RAB20: variants seen among roughly 807,000 people sequenced by gnomAD.
The protein encoded by RAB20 is ras-related protein Rab-20.
A neutral mutation model predicts 3.7 loss-of-function variants in RAB20; 2 were observed. That is an observed-to-expected ratio of 0.54 (90% CI 0.22 to 1.69). The LOEUF (loss-of-function observed/expected upper bound fraction) is 1.69. RAB20 is among the 40% of genes most tolerant of loss of function. The pLI is 0.19. For synonymous variants in RAB20, 126 were observed against 130.8 expected (o/e 0.96, Z 0.25); for missense variants, 276 against 311.9 (o/e 0.88, Z 0.87).
chr13:110,559,825 T>A (rs1376384824), intron 1 of RAB20, among the ~76,000 whole-genome samples: 1 of 152,144 alleles, frequency 6.6e-6, no homozygotes, highest in African/African-American at 2.4e-5. Flanking sequence ...CTTCATTCCC[T>A]CCGATGCAGG....
At chr13:110,536,356 G>T (rs1594131931) in intron 1 of RAB20, among the ~76,000 whole-genome samples, 1 of 152,334 alleles carries the variant, frequency 6.6e-6, no homozygotes, top group African/African-American at 2.4e-5. Flanking sequence ...CTAAAGCATG[G>T]ACTGGGCGGC....
chr13:110,542,791 T>A (rs1193393254), intron 1 of RAB20, among the ~76,000 whole-genome samples: 4 of 152,226 alleles, frequency 2.6e-5, no homozygotes, highest in Non-Finnish European at 5.9e-5. Context: ...TGAGAAATAC[T>A]GATTTCCTTT....
chr13:110,528,028 A>T (rs1884462845), intron 1 of RAB20, among the ~76,000 whole-genome samples: 1 of 151,186 alleles, frequency 6.6e-6, no homozygotes, highest in African/African-American at 2.4e-5. Flanking sequence ...GCTTGAGCCA[A>T]GGAGTTCGAG....
intron 1 of RAB20, among the ~76,000 whole-genome samples, chr13:110,526,939 C>T (rs1884440253): frequency 6.6e-6 from 1 of 152,158 alleles, no homozygotes; most frequent in South Asian, 2.1e-4. Context: ...GCATAGTGTT[C>T]TGAGAAGGGG....
At chr13:110,557,323 T>C (rs905952410) in intron 1 of RAB20, among the ~76,000 whole-genome samples, 3 of 152,166 alleles carry the variant, frequency 2.0e-5, no homozygotes, top group East Asian at 1.9e-4. Flanking sequence ...TTGCTGTTTA[T>C]ATTAAGATGA....
intron 1 of RAB20, among the ~76,000 whole-genome samples, chr13:110,546,395 T>G (rs1443308856): frequency 6.6e-6 from 1 of 152,206 alleles, no homozygotes; most frequent in Non-Finnish European, 1.5e-5. Context: ...AATACAGCTG[T>G]GAGGGAAAGG....
rs746635957 is a variant in RAB20, at chr13:110,523,851, C to A, written c.519G>T (p.Pro173=). Residue 173 remains proline, a synonymous_variant, in exon 2 of 2, where the codon CCG becomes CCT. Transcript: ENST00000267328. ...KYKMLDEQDV[P]AAEQMCFETS... ...TCTCAAAGCACATTTGCTCAGCGGC[C>A]GGCACATCCTGCTCATCCAGCATCT... 1 of 1,614,158 alleles carries A rather than the reference C, an allele frequency of 6.2e-7. No individual in the cohort carries two copies. The highest frequency in any genetic ancestry group is 1.7e-5 in the Admixed American group (1 of 60,028).
rs77119734 is a variant in RAB20 at position 110,555,060 on chromosome 13, C to T, written c.172+6288G>A. 2.0e-4 allele frequency among the ~76,000 whole-genome samples: 31 copies of T among 152,240 alleles called. No homozygotes were observed. Among genetic ancestry groups the T allele is most frequent in the East Asian group, 1.9e-3 (10 of 5,162 alleles). On this transcript the variant is annotated intron_variant, in intron 1 of 1. Coordinates refer to ENST00000267328, the MANE Select transcript of RAB20 (RefSeq NM_017817.3). This position sits in a 1 kb window ranked among gnomAD's most constrained non-coding sequence, Gnocchi z 4.0. Reference sequence around the variant, plus strand: ...AGATGCTGCTTCCCAGTCTGTAGGACGGCAACGTTGACGCCTCCCAGGAGG... The same window carrying T: ...AGATGCTGCTTCCCAGTCTGTAGGATGGCAACGTTGACGCCTCCCAGGAGG...
At chr13:110,531,433 G>C (rs548167152) in intron 1 of RAB20, among the ~76,000 whole-genome samples, 2 of 152,232 alleles carry the variant, frequency 1.3e-5, no homozygotes, top group Non-Finnish European at 1.5e-5. Flanking sequence ...ACTGCAGAGC[G>C]TTCTGGTAAA....
intron 1 of RAB20, among the ~76,000 whole-genome samples, chr13:110,534,476 T>C (rs1005678239): frequency 1.3e-5 from 2 of 152,062 alleles, no homozygotes; most frequent in African/African-American, 4.8e-5. Flanking sequence ...CGGTCAAGGG[T>C]GCCGACCACG....
intron 1 of RAB20, among the ~76,000 whole-genome samples, chr13:110,550,407 C>T (rs1390158208): frequency 1.3e-5 from 2 of 152,148 alleles, no homozygotes; most frequent in Admixed American, 1.3e-4. Context: ...CACCTGAAGC[C>T]GGTGGATCAG....
Position 110,547,046 on chromosome 13 carries a change from A to T in RAB20, c.172+14302T>A, listed in dbSNP as rs763013008. On this transcript the variant is annotated intron_variant, in intron 1 of 1. Coordinates refer to ENST00000267328, the MANE Select transcript of RAB20 (RefSeq NM_017817.3). ...TGAGTCACCACGCCTGGCCAAGCTG[A>T]ACTTCTGTACCACAAACAATAGAAA... is the stretch of plus-strand genomic sequence containing the variant. Among the ~76,000 whole-genome samples the T allele has an allele frequency of 3.9e-5, 6 of 152,246 alleles. No homozygotes were observed. In the Middle Eastern group the frequency reaches 0.017, roughly 432 times the overall value.
intron 1 of RAB20, among the ~76,000 whole-genome samples, chr13:110,535,322 C>T (rs1408189476): frequency 6.6e-6 from 1 of 151,828 alleles, no homozygotes; most frequent in Admixed American, 6.6e-5. Flanking sequence ...AGACCCCCAA[C>T]CCGAACCCAC....
At chr13:110,549,008 C>T (rs1156719441) in intron 1 of RAB20, among the ~76,000 whole-genome samples, 2 of 152,196 alleles carry the variant, frequency 1.3e-5, no homozygotes. Context: ...TGTGATGATT[C>T]CAAACTTCCC....
At position 110,561,586 on chromosome 13, in the gene RAB20, G is replaced by A; in HGVS notation, c.-67C>T. The A allele has an allele frequency of 2.7e-6, 4 of 1,497,294 alleles. No homozygotes were observed. Among genetic ancestry groups the A allele is most frequent in the Non-Finnish European group, 3.6e-6 (4 of 1,126,180 alleles). The allele number at this position is 1,497,294 out of a possible 1,614,324, so 92.8% of individuals were successfully genotyped here. A position where few individuals can be genotyped will look rare whatever the true frequency, so the allele number is the denominator to read the frequency against. Reference sequence around the variant, plus strand: ...AGGCTGGCCGGCTCGTGCGCCCTGGGCGCAGCTGGAGGAGCGGACCCCGGA... The same window carrying A: ...AGGCTGGCCGGCTCGTGCGCCCTGGACGCAGCTGGAGGAGCGGACCCCGGA... On this transcript the variant is annotated 5_prime_UTR_variant, in exon 1 of 2. Coordinates refer to ENST00000267328, the MANE Select transcript of RAB20 (RefSeq NM_017817.3).
chr13:110,530,984 G>A (rs1318669651), intron 1 of RAB20, among the ~76,000 whole-genome samples: 2 of 152,244 alleles, frequency 1.3e-5, no homozygotes, highest in Non-Finnish European at 2.9e-5. Context: ...TTATAGCAGG[G>A]AATGAGCTGT....
Position 110,523,461 on chromosome 13 carries a change from T to A in RAB20, c.*204A>T. 16 of 991,314 alleles carry A rather than the reference T, an allele frequency of 1.6e-5. No individual in the cohort carries two copies. The highest frequency in any genetic ancestry group is 2.0e-5 in the Non-Finnish European group (14 of 697,660). 61.4% of individuals were successfully genotyped at this position (991,314 alleles called of 1,614,324 possible). A position where few individuals can be genotyped will look rare whatever the true frequency, so the allele number is the denominator to read the frequency against. ...TTGCAGAGGATTCCTGTTTCCCACC[T>A]CCCCACCCCTCTGACAGAGACTGAG... is the stretch of plus-strand genomic sequence containing the variant. On this transcript the variant is annotated 3_prime_UTR_variant, in exon 2 of 2. Coordinates refer to ENST00000267328, the MANE Select transcript of RAB20 (RefSeq NM_017817.3).
chr13:110,524,192 C>A lies in RAB20; in HGVS notation c.178G>T (p.Glu60Ter). The A allele has an allele frequency of 1.3e-6, 2 of 1,587,996 alleles. No individual in the cohort carries two copies. The highest frequency in any genetic ancestry group is 1.7e-6 in the Non-Finnish European group (2 of 1,171,848). ...NISIWDTAGR[E>*]QFHGLGSMYC... ...ATGGAGCCCAGGCCGTGGAACTGCT[C>A]CCGCCCTGGTGGGAAGAGAGGGACA... Residue 60 changes from glutamate to a stop codon, truncating the protein, a stop_gained, in exon 2 of 2, where the codon GAG (glutamate) becomes TAG (stop). Coordinates refer to ENST00000267328, the MANE Select transcript of RAB20 (RefSeq NM_017817.3). LOFTEE classifies it low-confidence loss of function (END_TRUNC).
intron 1 of RAB20, among the ~76,000 whole-genome samples, chr13:110,537,540 A>G (rs879855937): frequency 2.6e-5 from 4 of 151,972 alleles, no homozygotes; most frequent in Non-Finnish European, 5.9e-5. Context: ...CTAAACTCAT[A>G]AAGAGGAAAG....
Sources: allele counts gnomAD v4.1 joint callset (sites outside exome capture counted in the v4.1 genomes callset), GRCh38; gene constraint gnomAD v4.1.1; non-coding constraint Gnocchi (gnomAD v3.1); transcripts MANE v1.5; gene names NCBI Gene and HGNC (gene_info 2026-07-23, HGNC 2026-07-21).